KCNU1: variants seen among roughly 807,000 people sequenced by gnomAD.
The protein encoded by KCNU1 is potassium channel subfamily U member 1.
A neutral mutation model predicts 126.8 loss-of-function variants in KCNU1; 93 were observed. The observed-to-expected ratio is 0.73, with a 90% CI of 0.62 to 0.87. The LOEUF (loss-of-function observed/expected upper bound fraction) is 0.87. KCNU1 is among the 40% of genes least tolerant of loss of function. KCNU1 has a pLI of 0.00. For synonymous variants in KCNU1, 523 were observed against 494.2 expected (o/e 1.06, Z -0.77); for missense variants, 1,330 against 1,367.1 (o/e 0.97, Z 0.43).
chr8:36,912,846 T>TAATCCCA (rs1161163822), intron 22 of KCNU1, among the ~76,000 whole-genome samples: 1 of 147,346 alleles, frequency 6.8e-6, no homozygotes, highest in African/African-American at 2.5e-5. Flanking sequence ...CGCACGCCTG[T>TAATCCCA]AATCCCAGCT....
chr8:36,887,905 C>T (rs944901362), intron 19 of KCNU1, among the ~76,000 whole-genome samples: 23 of 152,088 alleles, frequency 1.5e-4, no homozygotes, highest in Admixed American at 5.2e-4. Context: ...CTTATAATCT[C>T]TATTTTAACA....
intron 3 of KCNU1, among the ~76,000 whole-genome samples, chr8:36,804,637 C>G (rs977669276): frequency 2.0e-5 from 3 of 152,148 alleles, no homozygotes; most frequent in African/African-American, 7.2e-5. Flanking sequence ...AATCTGAATT[C>G]CATGTCAATC....
chr8:36,916,505 A>T (rs946119528), intron 22 of KCNU1, among the ~76,000 whole-genome samples: 1 of 152,072 alleles, frequency 6.6e-6, no homozygotes, highest in Non-Finnish European at 1.5e-5. Context: ...GAAAGAGGAC[A>T]CATGAAACAG....
intron 10 of KCNU1, among the ~76,000 whole-genome samples, chr8:36,828,469 T>G (rs979148238): frequency 6.6e-6 from 1 of 152,132 alleles, no homozygotes; most frequent in African/African-American, 2.4e-5. Context: ...ACATCTAAAA[T>G]GTGCATATTA....
chr8:36,878,916 T>C (rs1216544065), intron 19 of KCNU1, among the ~76,000 whole-genome samples: 2 of 147,822 alleles, frequency 1.4e-5, no homozygotes, highest in Non-Finnish European at 3.0e-5. Flanking sequence ...ATATAATATA[T>C]GTTTTATATA....
intron 19 of KCNU1, among the ~76,000 whole-genome samples, chr8:36,883,246 T>G (rs2117406054): frequency 1.3e-5 from 2 of 152,326 alleles, no homozygotes; most frequent in Non-Finnish European, 2.9e-5. Context: ...CCTCTTCAGT[T>G]GGTGACCTAT....
intron 20 of KCNU1, among the ~76,000 whole-genome samples, chr8:36,906,275 C>A (rs1807625710): frequency 6.7e-6 from 1 of 150,290 alleles, no homozygotes; most frequent in Non-Finnish European, 1.5e-5. Context: ...GCTGGCTCTA[C>A]TTAGATTTAA....
intron 9 of KCNU1, among the ~76,000 whole-genome samples, chr8:36,817,264 C>A (rs942812269): frequency 5.9e-5 from 9 of 151,600 alleles, no homozygotes; most frequent in Non-Finnish European, 8.8e-5. Flanking sequence ...TTTTGGGAGG[C>A]TGAGGTGGGC....
At chr8:36,819,022 G>A (rs925322228) in intron 10 of KCNU1, among the ~76,000 whole-genome samples, 2 of 152,172 alleles carry the variant, frequency 1.3e-5, no homozygotes, top group Non-Finnish European at 2.9e-5. Context: ...GATGTGTGAC[G>A]TGTTTTACCA....
intron 24 of KCNU1, 85 bp from the exon 25 acceptor site, chr8:36,930,866 C>A: frequency 1.2e-6 from 1 of 833,392 alleles, no homozygotes; most frequent in East Asian, 2.7e-5. Flanking sequence ...AACAGCAATG[C>A]CCACTAAATC....
intron 18 of KCNU1, among the ~76,000 whole-genome samples, chr8:36,847,475 T>G (rs1805192386): frequency 6.6e-6 from 1 of 152,158 alleles, no homozygotes; most frequent in Non-Finnish European, 1.5e-5. Flanking sequence ...ATTGCATTCT[T>G]TAACCAATCT....
intron 20 of KCNU1, among the ~76,000 whole-genome samples, chr8:36,907,977 CTT>C (rs1398373334): frequency 1.3e-5 from 2 of 152,014 alleles, no homozygotes; most frequent in Non-Finnish European, 2.9e-5. Context: ...AAAATTAACT[CTT>C]TGGTTTTTTT....
chr8:36,899,096 T>C (rs767558299), intron 19 of KCNU1, among the ~76,000 whole-genome samples: 2 of 152,244 alleles, frequency 1.3e-5, no homozygotes, highest in African/African-American at 2.4e-5. Flanking sequence ...GAGATGCCTA[T>C]ACAAATTCAT....
chr8:36,857,949 A>G (rs2117314472), intron 18 of KCNU1, among the ~76,000 whole-genome samples: 1 of 152,050 alleles, frequency 6.6e-6, no homozygotes, highest in African/African-American at 2.4e-5. Flanking sequence ...CCCAGCCACA[A>G]GTTTTCTTCA....
At position 36,830,186 on chromosome 8, in the gene KCNU1, T is replaced by C. The variant is rs145231391; in HGVS notation, c.1107-3368T>C. On this transcript the variant is annotated intron_variant, in intron 10 of 26. Coordinates refer to ENST00000399881, the MANE Select transcript of KCNU1 (RefSeq NM_001031836.3). Reference sequence around the variant, plus strand: ...AAAACATAAATTGTACACATAAGGATTAGAAAGAAGGAAATAAACTATTTG... The same window carrying C: ...AAAACATAAATTGTACACATAAGGACTAGAAAGAAGGAAATAAACTATTTG... Among the ~76,000 whole-genome samples, 339 of 151,000 alleles carry C rather than the reference T, an allele frequency of 2.2e-3. 5 individuals are homozygous for C. The highest frequency in any genetic ancestry group is 7.7e-3 in the African/African-American group (320 of 41,428).
At chr8:36,916,467 A>G (rs1808114884) in intron 22 of KCNU1, among the ~76,000 whole-genome samples, 1 of 151,972 alleles carries the variant, frequency 6.6e-6, no homozygotes. Flanking sequence ...AGGGAAGGGA[A>G]TAGAAGAGAA....
intron 10 of KCNU1, among the ~76,000 whole-genome samples, chr8:36,826,176 T>C (rs949535969): frequency 6.6e-6 from 1 of 151,460 alleles, no homozygotes; most frequent in Non-Finnish European, 1.5e-5. Context: ...TCCAGTTATA[T>C]GTCCTGATTT....
At chr8:36,855,765 A>T (rs1033822884) in intron 18 of KCNU1, among the ~76,000 whole-genome samples, 1 of 149,654 alleles carries the variant, frequency 6.7e-6, no homozygotes, top group Admixed American at 6.6e-5. Context: ...CTTTTATTTT[A>T]TTTTTTTTCT....
intron 2 of KCNU1, among the ~76,000 whole-genome samples, chr8:36,788,199 A>G (rs1802781367): frequency 6.6e-6 from 1 of 152,010 alleles, no homozygotes; most frequent in Middle Eastern, 3.2e-3. Context: ...TTTGGGCATC[A>G]TCTTCTCGGG....
Sources: gnomAD v4.1 joint callset for allele counts (sites outside exome capture counted in the v4.1 genomes callset) on GRCh38, gnomAD v4.1.1 for gene constraint, MANE v1.5 for transcripts, NCBI Gene and HGNC (gene_info 2026-07-23, HGNC 2026-07-21) for gene names.